The following SPTA1 variants were observed in gnomAD, a reference collection of about 807,000 sequenced individuals.
SPTA1 encodes spectrin alpha chain, erythrocytic 1.
In SPTA1, 177 loss-of-function variants were observed where a neutral mutation model predicts 324.7. That is an observed-to-expected ratio of 0.55 (90% confidence interval 0.48 to 0.62). The LOEUF (loss-of-function observed/expected upper bound fraction) is 0.62. SPTA1 is among the 20% of genes least tolerant of loss of function. SPTA1 has a pLI of 0.00. For missense variants in SPTA1, 3,162 were observed against 2,883.6 expected (o/e 1.10, Z -2.21); for synonymous variants, 1,195 against 1,041.3 (o/e 1.15, Z -2.84).
rs767506011 is a variant in SPTA1, at chr1:158,639,872, C to G, written c.4873G>C (p.Glu1625Gln). Residue 1625 changes from glutamate (E) to glutamine (Q), a missense_variant and splice_region_variant, in exon 34 of 52, where the codon GAG becomes CAG. Physicochemically the swap from Glu to Gln is conservative, Grantham distance 29 (BLOSUM62 2). Transcript: ENST00000643759. The part of the protein sequence containing the change: ...SIRDFEFWLS[E>Q]AETLLAMKDQ... ...CTACTGTTTCCGGGTGCAATTACCT[C>G]TGAGAGCCAGAACTCAAAGTCCCGG... The G allele has an allele frequency of 1.2e-6, 2 of 1,613,954 alleles. No individual in the cohort carries two copies. The highest frequency in any genetic ancestry group is 1.1e-5 in the South Asian group (1 of 91,076).
Position 158,642,976 on chromosome 1 carries a change from C to A in SPTA1, c.4443G>T (p.Arg1481Ser). 1 of 1,613,544 alleles carries A rather than the reference C, an allele frequency of 6.2e-7. No homozygotes were observed. Among genetic ancestry groups the A allele is most frequent in the Non-Finnish European group, 8.5e-7 (1 of 1,179,676 alleles). Residue 1481 changes from arginine (R) to serine (S), a missense_variant and splice_region_variant, in exon 32 of 52, where the codon AGG becomes AGT. Coordinates refer to ENST00000643759, the MANE Select transcript of SPTA1 (RefSeq NM_003126.4). The part of the protein sequence containing the change: ...IATRLQRVLD[R>S]WKALKAQLID... ...TCAGTTGTGCTTTGAGAGCCTTCCA[C>A]CTAGAGGACGGAGCCAAATCACTCT...
chr1:158,683,231 T>C (rs1654930070), intron 3 of SPTA1, 140 bp downstream of exon 3: 2 of 1,172,304 alleles, frequency 1.7e-6, no homozygotes, highest in African/African-American at 1.5e-5. Flanking sequence ...TCATTTTTTA[T>C]GCCTCAACCC....
At position 158,678,506 on chromosome 1, in the gene SPTA1, T is replaced by G; in HGVS notation, c.707A>C (p.Gln236Pro). ...AGCATTCACCTCATTTTGCTTAGAC[T>G]GAATTAAGGGTAGGTCAGGATGGTT... ...EENHPDLPLIQSKQNEVNAAW... is the reference protein window; with the variant it reads ...EENHPDLPLIPSKQNEVNAAW... Residue 236 changes from glutamine to proline, a missense_variant, in exon 6 of 52, where the codon CAG becomes CCG. Gln to Pro is a moderately conservative substitution (Grantham distance 76). Transcript: ENST00000643759. 3 of 1,613,640 alleles carry G rather than the reference T, an allele frequency of 1.9e-6. No homozygotes were observed. The highest frequency in any genetic ancestry group is 2.5e-6 in the Non-Finnish European group (3 of 1,179,728).
At position 158,653,342 on chromosome 1, in the gene SPTA1, C is replaced by A. The variant is rs200809766; in HGVS notation, c.3120G>T (p.Pro1040=). The change falls in exon 22 of 52, where the codon CCG becomes CCT. Residue 1040 remains proline (P), a synonymous_variant. Coordinates refer to ENST00000643759, the MANE Select transcript of SPTA1 (RefSeq NM_003126.4). ...CTTCTCGTCGCCGCTGTGGGAGCAT[C>A]GGGAACTCATCGTGGGCCAGTCTTC... ...YVRRLAHDEF[P]MLPQRRREEP... 9 of 1,613,954 alleles carry A rather than the reference C, an allele frequency of 5.6e-6. No homozygotes were observed. In the African/African-American group the frequency reaches 1.1e-4, roughly 19 times the overall value.
intron 39 of SPTA1, among the ~76,000 whole-genome samples, chr1:158,628,709 G>A (rs4511106): frequency 0.34 from 51,779 of 151,812 alleles, 9,374 homozygotes; most frequent in African/African-American, 0.46. Context: ...CTTCACCTTC[G>A]CCTTCTATTT....
In SPTA1 at chr1:158,653,362, G is replaced by A. The variant is rs770380499; in HGVS notation, c.3100C>T (p.Leu1034=). The change falls in exon 22 of 52, where the codon CTG becomes TTG. Residue 1034 remains leucine, a synonymous_variant. Coordinates refer to ENST00000643759, the MANE Select transcript of SPTA1 (RefSeq NM_003126.4). ...GIVPAVYVRR[L]AHDEFPMLPQ... ...AGCATCGGGAACTCATCGTGGGCCAGTCTTCTGACATAGACAGCTGGGACA... is the reference window on the plus strand; with the variant it reads ...AGCATCGGGAACTCATCGTGGGCCAATCTTCTGACATAGACAGCTGGGACA... 6 of 1,614,006 alleles carry A rather than the reference G, an allele frequency of 3.7e-6. No individual in the cohort carries two copies. The East Asian group carries it at 6.7e-5, about 18-fold the overall frequency.
At chr1:158,629,017 A>T (rs561046076) in intron 39 of SPTA1, among the ~76,000 whole-genome samples, 1 of 152,174 alleles carries the variant, frequency 6.6e-6, no homozygotes, top group South Asian at 2.1e-4. Context: ...AATACCAATT[A>T]TTCTCAAACT....
At chr1:158,623,780 G>C (rs1650080809) in intron 42 of SPTA1, among the ~76,000 whole-genome samples, 1 of 152,212 alleles carries the variant, frequency 6.6e-6, no homozygotes, top group Admixed American at 6.5e-5. Context: ...TGTGAGAACA[G>C]ACTAATACAG....
Position 158,623,210 on chromosome 1 carries a change from A to G in SPTA1, c.5911-18T>C. 1 of 1,610,426 alleles carries G rather than the reference A, an allele frequency of 6.2e-7. No homozygotes were observed. Among genetic ancestry groups the G allele is most frequent in the Non-Finnish European group, 8.5e-7 (1 of 1,176,918 alleles). ...AGAGTGTCCTGAGAAAGATCAGGAG[A>G]GAGGCCGTGAACAAGAAAATGGTGC... On this transcript the variant is annotated intron_variant, in intron 42 of 51. Coordinates refer to ENST00000643759, the MANE Select transcript of SPTA1 (RefSeq NM_003126.4).
rs1030361199 is a variant in SPTA1 at position 158,659,608 on chromosome 1, T to A, written c.2587+1679A>T. On this transcript the variant is annotated intron_variant, in intron 18 of 51. Transcript: ENST00000643759. ...AGTCTTAGCATTATTTTTTTTTTTT[T>A]TTTTTTTTTTTTTGAGACGGAGTCT... 1.9e-5 allele frequency among the ~76,000 whole-genome samples: 2 copies of A among 102,608 alleles called. 1 individual carries two copies. The highest frequency in any genetic ancestry group is 4.3e-5 in the Non-Finnish European group (2 of 46,240). 67.3% of individuals were successfully genotyped at this position (102,608 alleles called of 152,430 possible).
chr1:158,618,075 A>G lies in SPTA1; in HGVS notation c.6531-19T>C, dbSNP rs1020747875. The G allele has an allele frequency of 1.5e-5, 24 of 1,608,806 alleles. No homozygotes were observed. Among genetic ancestry groups the G allele is most frequent in the Non-Finnish European group, 2.0e-5 (23 of 1,175,166 alleles). On this transcript the variant is annotated intron_variant, in intron 45 of 51. Transcript: ENST00000643759. ...GTAAGCCCTGGACATGGAGGTCCGG[A>G]ACAGGAATCACATGAGAGAAAAGGG...
At chr1:158,659,601 T>TTTTTTTTA (rs1653062010) in intron 18 of SPTA1, among the ~76,000 whole-genome samples, 1 of 12,926 alleles carries the variant, frequency 7.7e-5, no homozygotes, top group South Asian at 2.6e-3. Context: ...CATTATTTTT[T>TTTTTTTTA]TTTTTTTTTT....
intron 16 of SPTA1, among the ~76,000 whole-genome samples, chr1:158,663,516 C>T (rs1653390949): frequency 6.6e-6 from 1 of 152,160 alleles, no homozygotes; most frequent in Non-Finnish European, 1.5e-5. Flanking sequence ...AGGAGAGATA[C>T]AGAAACAGGA....
At chr1:158,622,146 G>A (rs1649956559) in intron 43 of SPTA1, among the ~76,000 whole-genome samples, 2 of 152,212 alleles carry the variant, frequency 1.3e-5, no homozygotes, top group Non-Finnish European at 2.9e-5. Context: ...TTATAGGCGT[G>A]AGCCACTGCA....
Position 158,686,529 on chromosome 1 carries a change from G to T in SPTA1, c.-12C>A. 2 of 1,589,604 alleles carry T rather than the reference G, an allele frequency of 1.3e-6. No individual in the cohort carries two copies. Among genetic ancestry groups the T allele is most frequent in the Non-Finnish European group, 8.6e-7 (1 of 1,161,300 alleles). On this transcript the variant is annotated 5_prime_UTR_variant, in exon 1 of 52. Transcript: ENST00000643759. ...GGAAATTGCTCCATTTTTCCTAAAGGTTTAGAACCTGGCAAGATAAAATGT... is the reference window on the plus strand; with the variant it reads ...GGAAATTGCTCCATTTTTCCTAAAGTTTTAGAACCTGGCAAGATAAAATGT...
chr1:158,645,200 G>A lies in SPTA1; in HGVS notation c.4182C>T (p.Cys1394=), dbSNP rs2101837185. The A allele has an allele frequency of 1.2e-6, 2 of 1,613,802 alleles. No individual in the cohort carries two copies. Among genetic ancestry groups the A allele is most frequent in the Non-Finnish European group, 1.7e-6 (2 of 1,179,780 alleles). The change falls in exon 29 of 52, where the codon TGC becomes TGT. Residue 1394 remains cysteine (C), a synonymous_variant. Transcript: ENST00000643759. ...WEKRKKILDQ[C]LELQMFQGNC... ...AAATTTGCTGTACCTGCAACTCCAG[G>A]CACTGGTCTAGGATCTTCTTGCGTT...
At chr1:158,657,021 G>A (rs1382071298) in intron 19 of SPTA1, among the ~76,000 whole-genome samples, 1 of 152,168 alleles carries the variant, frequency 6.6e-6, no homozygotes, top group Non-Finnish European at 1.5e-5. Context: ...TACTATACCA[G>A]CTTCCTATGG....
intron 39 of SPTA1, 54 bp from the exon 40 acceptor site, chr1:158,627,777 T>C: frequency 6.5e-7 from 1 of 1,533,770 alleles, no homozygotes; most frequent in East Asian, 2.2e-5. Context: ...AAATCTATAT[T>C]CACTCATATT....
chr1:158,639,732 T>C (rs1386117514), intron 34 of SPTA1, 46 bp from the exon 35 acceptor site: 1 of 1,612,520 alleles, frequency 6.2e-7, no homozygotes, highest in Admixed American at 1.7e-5. Flanking sequence ...TGAAACTGCC[T>C]TTAAGGAGAA....
Sources: allele counts gnomAD v4.1 joint callset (sites outside exome capture counted in the v4.1 genomes callset), GRCh38; gene constraint gnomAD v4.1.1; transcripts MANE v1.5; gene names NCBI Gene and HGNC (gene_info 2026-07-23, HGNC 2026-07-21).